Variants in RNF169 observed in about 807,000 individuals in gnomAD.
RNF169 encodes E3 ubiquitin-protein ligase RNF169.
Under a neutral mutation model 53.9 loss-of-function variants are expected in RNF169, and 24 were observed. The ratio of observed to expected loss-of-function variants is 0.45; its 90% CI spans 0.32 to 0.63. The LOEUF (loss-of-function observed/expected upper bound fraction) is 0.63, where lower values mean the gene tolerates loss of function less well. RNF169 is among the 20% of genes least tolerant of loss of function. The pLI is 0.04. For missense variants in RNF169, 883 were observed against 906.2 expected (o/e 0.97, Z 0.33); for synonymous variants, 396 against 363.5 (o/e 1.09, Z -1.02).
intron 1 of RNF169, among the ~76,000 whole-genome samples, chr11:74,759,017 T>C (rs2135308601): frequency 6.6e-6 from 1 of 150,960 alleles, no homozygotes; most frequent in Non-Finnish European, 1.5e-5. Flanking sequence ...CTTGAAGAGG[T>C]CCTTCACATC....
At chr11:74,756,710 T>A (rs1426391111) in intron 1 of RNF169, among the ~76,000 whole-genome samples, 2 of 152,192 alleles carry the variant, frequency 1.3e-5, no homozygotes, top group African/African-American at 2.4e-5. Context: ...CTAGGGATTG[T>A]AAACAGAAGT....
At chr11:74,797,837 C>A (rs894415483) in intron 2 of RNF169, among the ~76,000 whole-genome samples, 9 of 152,110 alleles carry the variant, frequency 5.9e-5, no homozygotes, top group African/African-American at 2.2e-4. Flanking sequence ...ACGGAGGGAC[C>A]GGCTGAAGCC....
chr11:74,773,540 T>A (rs1468279782), intron 1 of RNF169, among the ~76,000 whole-genome samples: 1 of 152,242 alleles, frequency 6.6e-6, no homozygotes, highest in Admixed American at 6.5e-5. Flanking sequence ...TTTTTGAGCT[T>A]GCCTGGATGT....
chr11:74,822,688 A>G (rs2036031637), intron 4 of RNF169, among the ~76,000 whole-genome samples: 2 of 152,166 alleles, frequency 1.3e-5, no homozygotes, highest in Admixed American at 6.5e-5. Flanking sequence ...TGAATTGGGG[A>G]TGATGACACC....
At position 74,838,827 on chromosome 11, in the gene RNF169, C is replaced by G. The variant is rs1303809076; in HGVS notation, c.*2097C>G. ...TTACTATAAATGCCCTTAGAGGAAA[C>G]TTATCAGTTACTGCCATTTCACGCA... On this transcript the variant is annotated 3_prime_UTR_variant, in exon 6 of 6. Coordinates refer to ENST00000299563, the MANE Select transcript of RNF169 (RefSeq NM_001098638.2). 1 of 152,138 alleles carries G rather than the reference C, an allele frequency of 6.6e-6. No homozygotes were observed. 9.4% of individuals were successfully genotyped at this position (152,138 alleles called of 1,614,324 possible).
At chr11:74,789,578 T>C (rs1170402802) in intron 1 of RNF169, 48 bp from the exon 2 acceptor site, 5 of 1,262,322 alleles carry the variant, frequency 4.0e-6, no homozygotes, top group Non-Finnish European at 5.7e-6. Context: ...CCTGTGGGTC[T>C]TCCTAGAAAG....
intron 3 of RNF169, among the ~76,000 whole-genome samples, chr11:74,815,606 T>C (rs1216647499): frequency 6.6e-6 from 1 of 152,214 alleles, no homozygotes; most frequent in Non-Finnish European, 1.5e-5. Context: ...AAATTTTTCT[T>C]AAAAGATTAA....
chr11:74,791,915 C>T (rs1258200502), intron 2 of RNF169, among the ~76,000 whole-genome samples: 1 of 152,244 alleles, frequency 6.6e-6, no homozygotes, highest in East Asian at 1.9e-4. Context: ...CCCAGCTGTG[C>T]CTTTCCCACT....
At chr11:74,814,198 T>C (rs181443782) in intron 3 of RNF169, among the ~76,000 whole-genome samples, 101 of 151,948 alleles carry the variant, frequency 6.6e-4, no homozygotes, top group African/African-American at 2.3e-3. Context: ...GGCACGTGTC[T>C]GTAGTCCCAG....
intron 1 of RNF169, among the ~76,000 whole-genome samples, chr11:74,780,351 A>G (rs182201928): frequency 2.6e-5 from 4 of 152,250 alleles, no homozygotes; most frequent in African/African-American, 9.6e-5. Flanking sequence ...AATCTCATCT[A>G]TCCAGCATTA....
In RNF169 at chr11:74,821,498, A is replaced by C. The variant is rs1473482166; in HGVS notation, c.842+3784A>C. Reference sequence around the variant, plus strand: ...ATGGTGAAACCCCGTCTCTACTAAAAATACAAAAAATTAGCCGGGCGTAGT... The same window carrying C: ...ATGGTGAAACCCCGTCTCTACTAAACATACAAAAAATTAGCCGGGCGTAGT... On this transcript the variant is annotated intron_variant, in intron 4 of 5. Transcript: ENST00000299563. Among the ~76,000 whole-genome samples the C allele has an allele frequency of 2.6e-5, 3 of 116,620 alleles. 1 individual carries two copies. The highest frequency in any genetic ancestry group is 4.9e-5 in the Non-Finnish European group (3 of 61,344). 76.5% of individuals were successfully genotyped at this position (116,620 alleles called of 152,430 possible).
intron 2 of RNF169, among the ~76,000 whole-genome samples, chr11:74,798,593 T>C (rs1363240102): frequency 6.6e-6 from 1 of 152,198 alleles, no homozygotes; most frequent in Non-Finnish European, 1.5e-5. Flanking sequence ...CTGCCTCCAC[T>C]TGCCTTGTGA....
chr11:74,762,473 T>A lies in RNF169; in HGVS notation c.502+13091T>A, dbSNP rs367751447. Among the ~76,000 whole-genome samples the A allele has an allele frequency of 1.0e-3, 152 of 152,342 alleles. 2 individuals carry two copies. The East Asian group carries it at 0.022, about 22-fold the overall frequency. On this transcript the variant is annotated intron_variant, in intron 1 of 5. Transcript: ENST00000299563. ...GTCTTTGATGATGGTGATGTACAGA[T>A]GGGTTTTCGGTGTGGATGTCCTTTC...
intron 3 of RNF169, 26 bp from the exon 4 acceptor site, chr11:74,817,569 GT>G (rs1565184616): frequency 7.0e-7 from 1 of 1,431,922 alleles, no homozygotes. Context: ...CAAATGGACA[GT>G]GTTGTCTCCC....
In RNF169 at chr11:74,836,830, A is replaced by G; in HGVS notation, c.*100A>G. 1 of 883,694 alleles carries G rather than the reference A, an allele frequency of 1.1e-6. No homozygotes were observed. The highest frequency in any genetic ancestry group is 1.7e-6 in the Non-Finnish European group (1 of 588,898). 54.7% of individuals were successfully genotyped at this position (883,694 alleles called of 1,614,324 possible). A position where few individuals can be genotyped will look rare whatever the true frequency, so the allele number is the denominator to read the frequency against. On this transcript the variant is annotated 3_prime_UTR_variant, in exon 6 of 6. Transcript: ENST00000299563. The stretch of plus-strand genomic sequence containing the variant: ...ACTTTGGTTTTATTTTAATGGCAAA[A>G]CACTGTCTAATATGGTTCTGAGAGG...
chr11:74,818,028 C>T (rs1006149515), intron 4 of RNF169, among the ~76,000 whole-genome samples: 8 of 152,216 alleles, frequency 5.3e-5, no homozygotes, highest in African/African-American at 1.7e-4. Context: ...CAGACTCTCC[C>T]TCTGGACTTA....
intron 1 of RNF169, among the ~76,000 whole-genome samples, chr11:74,766,812 A>G (rs1263354290): frequency 1.3e-5 from 2 of 152,226 alleles, no homozygotes; most frequent in Non-Finnish European, 2.9e-5. Flanking sequence ...AGATGGTTTT[A>G]TGGGTTACCC....
intron 4 of RNF169, among the ~76,000 whole-genome samples, chr11:74,822,020 TGA>T (rs1489971019): frequency 2.0e-5 from 3 of 149,776 alleles, no homozygotes; most frequent in South Asian, 4.2e-4. Context: ...TGTGTGTGTG[TGA>T]GTGAGTGAGA....
chr11:74,835,752 G>A lies in RNF169; in HGVS notation c.1149G>A (p.Lys383=). ...TCTCCGAAGAACTAAACCATTTCAA[G>A]CCCATTGTCTGCTCACCATGTACTC... The part of the protein sequence containing the change: ...DSISEELNHF[K]PIVCSPCTPP... Residue 383 remains lysine (K), a synonymous_variant, in exon 6 of 6, where the codon AAG becomes AAA. Coordinates refer to ENST00000299563, the MANE Select transcript of RNF169 (RefSeq NM_001098638.2). 3.1e-6 allele frequency: 5 copies of A among 1,614,156 alleles called. No individual in the cohort carries two copies. Among genetic ancestry groups the A allele is most frequent in the Non-Finnish European group, 4.2e-6 (5 of 1,180,014 alleles).
Sources: gnomAD v4.1 joint callset for allele counts (sites outside exome capture counted in the v4.1 genomes callset) on GRCh38, gnomAD v4.1.1 for gene constraint, MANE v1.5 for transcripts, NCBI Gene and HGNC (gene_info 2026-07-23, HGNC 2026-07-21) for gene names.